ADAMTSL1: variants seen among roughly 807,000 people sequenced by gnomAD.
ADAMTSL1 encodes ADAMTS like 1, also known as ADAMTS-like protein 1.
In ADAMTSL1, 126 loss-of-function variants were observed where a neutral mutation model predicts 201.8. That is an observed-to-expected ratio of 0.62 (90% CI 0.54 to 0.72). The LOEUF (loss-of-function observed/expected upper bound fraction) is 0.72, where lower values mean the gene tolerates loss of function less well. Ranked by LOEUF, ADAMTSL1 falls within the 30% of genes least tolerant of loss-of-function variation. The pLI is 0.00. For synonymous variants in ADAMTSL1, 1,121 were observed against 903.4 expected, an observed-to-expected ratio of 1.24 and a Z score of -4.32; for missense variants, 2,679 against 2,277.8, an observed-to-expected ratio of 1.18 and a Z score of -3.59.
At chr9:18,622,178 G>T (rs1826078135) in intron 4 of ADAMTSL1, 65 bp from the exon 5 acceptor site, 1 of 1,579,564 alleles carries the variant, frequency 6.3e-7, no homozygotes. Flanking sequence ...ATGGTGATTG[G>T]CCTCATAATG....
chr9:18,131,308 C>A (rs563582339), intron 1 of ADAMTSL1, among the ~76,000 whole-genome samples: 1 of 152,182 alleles, frequency 6.6e-6, no homozygotes, highest in Admixed American at 6.5e-5. Flanking sequence ...AAAATTATAC[C>A]AGTATTTCTA....
intron 9 of ADAMTSL1, among the ~76,000 whole-genome samples, chr9:18,672,540 ATG>A (rs879729612): frequency 9.9e-5 from 15 of 152,202 alleles, no homozygotes; most frequent in Non-Finnish European, 1.8e-4. Context: ...GTGTGTATAC[ATG>A]TGTCACATGA....
At chr9:18,651,412 G>T (rs1385620935) in intron 7 of ADAMTSL1, 1 of 152,140 alleles carries the variant, frequency 6.6e-6, no homozygotes, top group African/African-American at 2.4e-5. Flanking sequence ...ACATATTCTG[G>T]TTTTGCTCAC....
At chr9:18,085,960 A>C (rs529597837) in intron 1 of ADAMTSL1, among the ~76,000 whole-genome samples, 143 of 152,204 alleles carry the variant, frequency 9.4e-4, no homozygotes, top group Non-Finnish European at 1.7e-3. Flanking sequence ...AAATGGTCAG[A>C]TTATAAGATA....
intron 2 of ADAMTSL1, among the ~76,000 whole-genome samples, chr9:18,274,030 C>T (rs1291361284): frequency 2.0e-5 from 3 of 152,104 alleles, no homozygotes; most frequent in African/African-American, 4.8e-5. Flanking sequence ...CCTATTTAAA[C>T]TTTAGGTTTA....
chr9:18,756,383 A>G (rs776425826), intron 16 of ADAMTSL1, among the ~76,000 whole-genome samples: 2 of 151,814 alleles, frequency 1.3e-5, no homozygotes, highest in Non-Finnish European at 2.9e-5. Context: ...CTGGAATCCA[A>G]CTTCTTTGGC....
chr9:18,453,354 G>A (rs763867663), intron 2 of ADAMTSL1, among the ~76,000 whole-genome samples: 11 of 152,112 alleles, frequency 7.2e-5, no homozygotes, highest in Non-Finnish European at 1.6e-4. Flanking sequence ...GGGAGGGGCA[G>A]CCATGAAGCT....
chr9:18,736,763 T>C (rs535286467), intron 15 of ADAMTSL1, among the ~76,000 whole-genome samples: 3 of 152,362 alleles, frequency 2.0e-5, no homozygotes, highest in South Asian at 4.1e-4. Flanking sequence ...TTTGAAAATA[T>C]CTTGCTACAT....
At chr9:18,039,947 T>C (rs1178804795) in intron 1 of ADAMTSL1, among the ~76,000 whole-genome samples, 3 of 152,188 alleles carry the variant, frequency 2.0e-5, no homozygotes, top group Admixed American at 6.5e-5. Flanking sequence ...TTTAGACATA[T>C]GCTACTATAT....
chr9:18,203,815 A>T (rs188323475), intron 2 of ADAMTSL1, among the ~76,000 whole-genome samples: 4 of 152,160 alleles, frequency 2.6e-5, no homozygotes, highest in Non-Finnish European at 5.9e-5. Flanking sequence ...TTTGGCCTAA[A>T]CTTCACACAT....
At chr9:18,339,552 C>G (rs1353484450) in intron 2 of ADAMTSL1, among the ~76,000 whole-genome samples, 1 of 152,146 alleles carries the variant, frequency 6.6e-6, no homozygotes, top group Admixed American at 6.6e-5. Context: ...TTGGCAATTT[C>G]TCAAAGAATT....
chr9:18,323,296 G>A (rs923433412), intron 2 of ADAMTSL1, among the ~76,000 whole-genome samples: 1 of 152,128 alleles, frequency 6.6e-6, no homozygotes, highest in African/African-American at 2.4e-5. Flanking sequence ...TATAGAATCA[G>A]CTCAATGGAG....
intron 1 of ADAMTSL1, among the ~76,000 whole-genome samples, chr9:18,059,073 A>G (rs1451993543): frequency 2.0e-5 from 3 of 152,206 alleles, no homozygotes; most frequent in African/African-American, 7.2e-5. Flanking sequence ...CCTATCCAGT[A>G]TCTTGCCCTT....
chr9:18,755,760 C>A (rs771107131), intron 16 of ADAMTSL1, among the ~76,000 whole-genome samples: 1 of 152,038 alleles, frequency 6.6e-6, no homozygotes, highest in African/African-American at 2.4e-5. Flanking sequence ...ACTTTGAAAG[C>A]TTTTCTATTT....
intron 27 of ADAMTSL1, among the ~76,000 whole-genome samples, chr9:18,906,471 C>A (rs1303964774): frequency 6.6e-6 from 1 of 152,162 alleles, no homozygotes; most frequent in East Asian, 1.9e-4. Context: ...GATCCTTATT[C>A]ATTACAGAGA....
intron 16 of ADAMTSL1, among the ~76,000 whole-genome samples, chr9:18,754,603 G>A (rs1293866979): frequency 6.6e-6 from 1 of 152,140 alleles, no homozygotes; most frequent in Non-Finnish European, 1.5e-5. Context: ...TGTGCAGAAG[G>A]GTCTCCCATT....
intron 2 of ADAMTSL1, among the ~76,000 whole-genome samples, chr9:18,387,912 G>T (rs10121542): frequency 0.72 from 109,366 of 151,890 alleles, 41,957 homozygotes; most frequent in Admixed American, 0.86. Context: ...CTTCTAATAG[G>T]TCTGGAAATT....
chr9:17,998,370 G>A (rs1819470321), intron 1 of ADAMTSL1, among the ~76,000 whole-genome samples: 1 of 151,958 alleles, frequency 6.6e-6, no homozygotes, highest in South Asian at 2.1e-4. Flanking sequence ...GGGGCTGGGA[G>A]GCAGAGCTAG....
chr9:18,188,196 C>T (rs1002243630), intron 2 of ADAMTSL1, among the ~76,000 whole-genome samples: 2 of 152,186 alleles, frequency 1.3e-5, no homozygotes, highest in African/African-American at 2.4e-5. Context: ...TTCCCCCCAA[C>T]ACATACATTC....
Sources: allele counts gnomAD v4.1 joint callset (sites outside exome capture counted in the v4.1 genomes callset), GRCh38; gene constraint gnomAD v4.1.1; transcripts MANE v1.5; gene names NCBI Gene and HGNC (gene_info 2026-07-23, HGNC 2026-07-21).